Variants in NCMAP observed in about 807,000 individuals in gnomAD.
NCMAP encodes noncompact myelin-associated protein.
Under a neutral mutation model 7.8 loss-of-function variants are expected in NCMAP, and 8 were observed. The observed-to-expected ratio is 1.02, with a 90% CI of 0.60 to 1.84. The LOEUF is 1.84. NCMAP is among the 40% of genes most tolerant of loss of function. NCMAP has a pLI of 0.00. For synonymous variants in NCMAP, 41 were observed against 52.9 expected, an observed-to-expected ratio of 0.78 and a Z score of 0.98; for missense variants, 112 against 131.4, an observed-to-expected ratio of 0.85 and a Z score of 0.72.
rs1651580903 is a variant in NCMAP, at chr1:24,576,981, C to CA, written c.-7-18436dup. ...TGTCTCTACTAAAAGCACACACACA[C>CA]AAAAAAATTAGCTGGGCGTGGTGGT... On this transcript the variant is annotated intron_variant, in intron 1 of 3. Transcript: ENST00000374392. This position sits in a 1 kb window ranked among gnomAD's most constrained non-coding sequence, Gnocchi z 4.0. 6.6e-6 allele frequency among the ~76,000 whole-genome samples: 1 copy of CA among 151,418 alleles called. No individual in the cohort carries two copies. The highest frequency in any genetic ancestry group is 2.4e-5 in the African/African-American group (1 of 41,196).
At position 24,572,589 on chromosome 1, in the gene NCMAP, T is replaced by TGCACACTTGCTC. The variant is rs368168720; in HGVS notation, c.-8+16421_-8+16432dup. ...ACCAGCCCACAGAGGCACACTCGCT[T>TGCACACTTGCTC]GCACACTTGCTCACACACTCACCGC... is the stretch of plus-strand genomic sequence containing the variant. On this transcript the variant is annotated intron_variant, in intron 1 of 3. Coordinates refer to ENST00000374392, the MANE Select transcript of NCMAP (RefSeq NM_001010980.5). Among the ~76,000 whole-genome samples the TGCACACTTGCTC allele has an allele frequency of 4.2e-3, 634 of 150,756 alleles. 36 individuals carry two copies. Among genetic ancestry groups the TGCACACTTGCTC allele is most frequent in the African/African-American group, 0.013 (524 of 40,096 alleles).
At chr1:24,597,609 GAA>G (rs1491500503) in intron 2 of NCMAP, among the ~76,000 whole-genome samples, 10 of 81,246 alleles carry the variant, frequency 1.2e-4, no homozygotes, top group South Asian at 4.9e-4. Flanking sequence ...AAGAAAGAAA[GAA>G]AGAAAGAGAA....
At chr1:24,569,126 T>G (rs1023750249) in intron 1 of NCMAP, among the ~76,000 whole-genome samples, 2 of 152,074 alleles carry the variant, frequency 1.3e-5, no homozygotes, top group Admixed American at 6.6e-5. Context: ...CCCGAGTAGC[T>G]GAGATTACAG....
rs1176482095 is a variant in NCMAP, at chr1:24,604,634, A to G, written c.168-972A>G. 2.7e-4 allele frequency among the ~76,000 whole-genome samples: 24 copies of G among 89,014 alleles called. 6 individuals are homozygous for G. The highest frequency in any genetic ancestry group is 1.2e-3 in the African/African-American group (20 of 17,008). The allele number at this position is 89,014 out of a possible 152,430, so 58.4% of individuals were successfully genotyped here. A position where few individuals can be genotyped will look rare whatever the true frequency, so the allele number is the denominator to read the frequency against. ...TATATATATATATATATATATATAT[A>G]TATATATATATATATATATGTCAGC... On this transcript the variant is annotated intron_variant, in intron 3 of 3. Transcript: ENST00000374392.
intron 3 of NCMAP, among the ~76,000 whole-genome samples, chr1:24,604,587 AAAAAAAAAAAAAAAAAAAATATATATAT>A (rs1255055414): frequency 5.3e-5 from 3 of 56,218 alleles, no homozygotes; most frequent in Non-Finnish European, 5.9e-5. Context: ...AAAAAAAAAA[AAAAAAAAAAAAAAAAAAAATATATATAT>A]ATATATATAT....
chr1:24,608,087 C>T lies in NCMAP; in HGVS notation c.*2340C>T, dbSNP rs1026987690. ...TAAGATGCTTTCACATAAATTATCT[C>T]ATAGGATTAAATTTTCCCAAAAACC... is the stretch of plus-strand genomic sequence containing the variant. On this transcript the variant is annotated 3_prime_UTR_variant, in exon 4 of 4. Coordinates refer to ENST00000374392, the MANE Select transcript of NCMAP (RefSeq NM_001010980.5). 1 of 152,182 alleles carries T rather than the reference C, an allele frequency of 6.6e-6. No homozygotes were observed. Among genetic ancestry groups the T allele is most frequent in the African/African-American group, 2.4e-5 (1 of 41,436 alleles). The allele number at this position is 152,182 out of a possible 1,614,324, so 9.4% of individuals were successfully genotyped here. A position where few individuals can be genotyped will look rare whatever the true frequency, so the allele number is the denominator to read the frequency against.
chr1:24,601,670 T>G (rs1264568091), intron 3 of NCMAP, among the ~76,000 whole-genome samples: 1 of 152,150 alleles, frequency 6.6e-6, no homozygotes, highest in Non-Finnish European at 1.5e-5. Flanking sequence ...CTCAGAAGAC[T>G]GAGGCGGGAG....
chr1:24,558,235 C>A (rs915393397), intron 1 of NCMAP, among the ~76,000 whole-genome samples: 2 of 152,184 alleles, frequency 1.3e-5, no homozygotes, highest in Non-Finnish European at 2.9e-5. Context: ...TTGCCAACAA[C>A]CCTTGTTTAA....
chr1:24,580,978 T>C (rs1651725364), intron 1 of NCMAP, among the ~76,000 whole-genome samples: 2 of 152,178 alleles, frequency 1.3e-5, no homozygotes, highest in Non-Finnish European at 2.9e-5. Flanking sequence ...GTGGTTGTTT[T>C]CTCTTCTGTA....
At chr1:24,577,414 T>TG (rs1234073942) in intron 1 of NCMAP, among the ~76,000 whole-genome samples, 16 of 145,192 alleles carry the variant, frequency 1.1e-4, no homozygotes, top group African/African-American at 3.9e-4. Flanking sequence ...TTTTTTTTTT[T>TG]TTTTTTTTTT....
chr1:24,564,717 G>A (rs59803285), intron 1 of NCMAP, among the ~76,000 whole-genome samples: 22 of 151,748 alleles, frequency 1.4e-4, no homozygotes, highest in African/African-American at 5.3e-4. Flanking sequence ...AAAGAATAAG[G>A]AAAAATTCAC....
intron 1 of NCMAP, among the ~76,000 whole-genome samples, chr1:24,579,082 G>T (rs1651675012): frequency 6.6e-6 from 1 of 152,132 alleles, no homozygotes; most frequent in African/African-American, 2.4e-5. Context: ...CCTACTGGAG[G>T]CTGGAGCCCC....
intron 1 of NCMAP, among the ~76,000 whole-genome samples, chr1:24,574,799 T>TC (rs1232697702): frequency 6.7e-6 from 1 of 150,034 alleles, no homozygotes; most frequent in East Asian, 2.0e-4. Flanking sequence ...CAATACTTTT[T>TC]TTTTTTTTTT....
At chr1:24,603,536 A>T (rs1454499172) in intron 3 of NCMAP, among the ~76,000 whole-genome samples, 1 of 152,138 alleles carries the variant, frequency 6.6e-6, no homozygotes, top group East Asian at 1.9e-4. Context: ...GTTTGCACTG[A>T]TGCCTGAGCT....
Position 24,576,834 on chromosome 1 carries a change from G to T in NCMAP, c.-7-18590G>T, listed in dbSNP as rs1651576177. Among the ~76,000 whole-genome samples the T allele has an allele frequency of 6.6e-6, 1 of 152,120 alleles. No individual in the cohort carries two copies. Among genetic ancestry groups the T allele is most frequent in the African/African-American group, 2.4e-5 (1 of 41,426 alleles). On this transcript the variant is annotated intron_variant, in intron 1 of 3. Transcript: ENST00000374392. The surrounding 1 kb of genome is among the most constrained non-coding windows in gnomAD (Gnocchi z 4.0). ...ATAGACCAAGACCTTGGGACTCAAA[G>T]AAAGGATGTTACACAGGACACAGTG... is the stretch of plus-strand genomic sequence containing the variant.
At chr1:24,586,442 C>T (rs140478553) in intron 1 of NCMAP, among the ~76,000 whole-genome samples, 15 of 152,182 alleles carry the variant, frequency 9.9e-5, no homozygotes, top group Non-Finnish European at 1.6e-4. Flanking sequence ...CTGTCACTGC[C>T]GCTCTCTTTC....
intron 1 of NCMAP, among the ~76,000 whole-genome samples, chr1:24,567,418 T>C (rs1651260117): frequency 6.6e-6 from 1 of 152,074 alleles, no homozygotes; most frequent in Non-Finnish European, 1.5e-5. Context: ...GGGCAGGTCT[T>C]GGAGAAAAAG....
At chr1:24,592,763 A>AC (rs962765670) in intron 1 of NCMAP, among the ~76,000 whole-genome samples, 3 of 152,046 alleles carry the variant, frequency 2.0e-5, no homozygotes, top group Admixed American at 2.0e-4. Context: ...TTAAAAATAC[A>AC]AAAAAATTAG....
At chr1:24,579,316 G>A (rs529724165) in intron 1 of NCMAP, among the ~76,000 whole-genome samples, 3 of 151,996 alleles carry the variant, frequency 2.0e-5, no homozygotes, top group Admixed American at 1.3e-4. Context: ...TCTTCTCTGT[G>A]CATTGTCTCT....
Sources: gnomAD v4.1 joint callset for allele counts (sites outside exome capture counted in the v4.1 genomes callset) on GRCh38, gnomAD v4.1.1 for gene constraint, Gnocchi (gnomAD v3.1) non-coding constraint, MANE v1.5 for transcripts, NCBI Gene and HGNC (gene_info 2026-07-23, HGNC 2026-07-21) for gene names.